Variants in KCNH1 observed in about 807,000 individuals in gnomAD.
The protein encoded by KCNH1 is potassium voltage-gated channel subfamily H member 1, also known as voltage-gated delayed rectifier potassium channel KCNH1.
In KCNH1, 27 loss-of-function variants were observed where a neutral mutation model predicts 69.2. That is an observed-to-expected ratio of 0.39 (90% CI 0.29 to 0.54). KCNH1 has a LOEUF of 0.54. KCNH1 is among the 20% of genes least tolerant of loss of function. KCNH1 has a pLI of 0.68. For synonymous variants in KCNH1, 456 were observed against 487.7 expected, an observed-to-expected ratio of 0.93 and a Z score of 0.86; for missense variants, 798 against 1,261.6, an observed-to-expected ratio of 0.63 and a Z score of 5.57.
At chr1:210,858,459 A>T (rs1351397954) in intron 7 of KCNH1, 5 of 152,350 alleles carry the variant, frequency 3.3e-5, no homozygotes, top group Admixed American at 3.3e-4. Flanking sequence ...ACTTGAAATT[A>T]TCCTTGCCCC....
chr1:210,853,956 A>AAAAAAAC (rs1397741774), intron 7 of KCNH1, among the ~76,000 whole-genome samples: 3 of 147,578 alleles, frequency 2.0e-5, no homozygotes, highest in African/African-American at 5.2e-5. Flanking sequence ...CAAAAAAAAA[A>AAAAAAAC]AAAAAAAAAA....
At chr1:211,056,641 G>A (rs1261041432) in intron 5 of KCNH1, among the ~76,000 whole-genome samples, 2 of 152,202 alleles carry the variant, frequency 1.3e-5, no homozygotes, top group African/African-American at 2.4e-5. Context: ...AGTGTTGGTG[G>A]CCACAGGGAT....
At chr1:210,947,915 T>C (rs542287818) in intron 6 of KCNH1, among the ~76,000 whole-genome samples, 1 of 151,982 alleles carries the variant, frequency 6.6e-6, no homozygotes, top group South Asian at 2.1e-4. Flanking sequence ...TCATAATAAA[T>C]CGAGATAATT....
At chr1:210,715,494 C>CTGT (rs1682204841) in intron 10 of KCNH1, among the ~76,000 whole-genome samples, 1 of 148,798 alleles carries the variant, frequency 6.7e-6, no homozygotes, top group African/African-American at 2.5e-5. Flanking sequence ...TAGCAAGACC[C>CTGT]TGTTTCTATT....
chr1:210,800,737 A>G (rs1684411604), intron 8 of KCNH1, among the ~76,000 whole-genome samples: 1 of 151,810 alleles, frequency 6.6e-6, no homozygotes, highest in Admixed American at 6.6e-5. Context: ...CACCTTTCCT[A>G]CTGCTAGGTT....
chr1:210,740,961 C>T (rs1683013885), intron 10 of KCNH1, among the ~76,000 whole-genome samples: 2 of 152,022 alleles, frequency 1.3e-5, no homozygotes, highest in South Asian at 4.2e-4. Context: ...AAAATTGAAA[C>T]CTATCCTTTC....
At chr1:210,707,079 G>A (rs538490783) in intron 10 of KCNH1, among the ~76,000 whole-genome samples, 1 of 152,296 alleles carries the variant, frequency 6.6e-6, no homozygotes, top group South Asian at 2.1e-4. Flanking sequence ...GCGCGCACGT[G>A]TATGTGTGTA....
chr1:211,093,687 A>G (rs544415092), intron 3 of KCNH1, among the ~76,000 whole-genome samples: 10 of 152,208 alleles, frequency 6.6e-5, no homozygotes, highest in Non-Finnish European at 1.2e-4. Flanking sequence ...ACTGCCTTAG[A>G]GTTCATCTTG....
At chr1:211,091,685 G>T (rs1438559659) in intron 3 of KCNH1, among the ~76,000 whole-genome samples, 1 of 152,098 alleles carries the variant, frequency 6.6e-6, no homozygotes, top group Non-Finnish European at 1.5e-5. Context: ...CCTTGTTCCT[G>T]AGCTAGAGTG....
At chr1:210,870,542 C>A (rs899465154) in intron 7 of KCNH1, among the ~76,000 whole-genome samples, 1 of 152,200 alleles carries the variant, frequency 6.6e-6, no homozygotes, top group Non-Finnish European at 1.5e-5. Context: ...ACCATCTCTG[C>A]TAACAGCTTC....
chr1:210,721,407 G>T (rs1164236641), intron 10 of KCNH1, among the ~76,000 whole-genome samples: 1 of 152,162 alleles, frequency 6.6e-6, no homozygotes, highest in Non-Finnish European at 1.5e-5. Context: ...AAAGCAGTTG[G>T]TGGTTTGGGT....
chr1:210,702,064 G>C (rs1681795440), intron 10 of KCNH1, among the ~76,000 whole-genome samples: 1 of 152,130 alleles, frequency 6.6e-6, no homozygotes, highest in African/African-American at 2.4e-5. Flanking sequence ...CAATGTATTT[G>C]TTTATTAGCT....
At chr1:211,113,206 C>A (rs1691505248) in intron 1 of KCNH1, among the ~76,000 whole-genome samples, 1 of 152,108 alleles carries the variant, frequency 6.6e-6, no homozygotes, top group Non-Finnish European at 1.5e-5. Context: ...GCACAATAAC[C>A]ATTTATACCA....
chr1:210,991,985 T>C (rs973608660), intron 6 of KCNH1, among the ~76,000 whole-genome samples: 4 of 152,122 alleles, frequency 2.6e-5, no homozygotes, highest in African/African-American at 9.7e-5. Flanking sequence ...TAGTAATACA[T>C]AAAGAGGAGT....
chr1:210,744,026 C>T (rs1335177615), intron 10 of KCNH1, among the ~76,000 whole-genome samples: 1 of 152,146 alleles, frequency 6.6e-6, no homozygotes, highest in African/African-American at 2.4e-5. Flanking sequence ...TTTCCTAGAC[C>T]ACTCCTGTAA....
intron 6 of KCNH1, among the ~76,000 whole-genome samples, chr1:210,961,628 G>C (rs1574363570): frequency 6.6e-6 from 1 of 152,086 alleles, no homozygotes; most frequent in African/African-American, 2.4e-5. Context: ...ATCACCTGAG[G>C]TCGGGAGTTC....
At chr1:210,780,480 G>C (rs184547061) in intron 9 of KCNH1, among the ~76,000 whole-genome samples, 57 of 152,256 alleles carry the variant, frequency 3.7e-4, no homozygotes, top group Admixed American at 3.7e-3. Context: ...CTGTTCTAGG[G>C]GCTGAGGTGT....
intron 10 of KCNH1, among the ~76,000 whole-genome samples, chr1:210,735,067 G>A (rs1295361866): frequency 4.6e-5 from 7 of 152,050 alleles, no homozygotes; most frequent in Non-Finnish European, 1.0e-4. Flanking sequence ...GGATGGTTTA[G>A]AATGCTCCAC....
chr1:210,803,476 A>G (rs1237022804), intron 8 of KCNH1, among the ~76,000 whole-genome samples: 3 of 152,206 alleles, frequency 2.0e-5, no homozygotes, highest in Non-Finnish European at 4.4e-5. Context: ...CACACAAATT[A>G]AGGGAATGCT....
Sources: allele counts gnomAD v4.1 joint callset (sites outside exome capture counted in the v4.1 genomes callset), GRCh38; gene constraint gnomAD v4.1.1; transcripts MANE v1.5; gene names NCBI Gene and HGNC (gene_info 2026-07-23, HGNC 2026-07-21).